Variants in CNTNAP2 observed in about 807,000 individuals in gnomAD.
CNTNAP2 encodes contactin-associated protein-like 2.
In CNTNAP2, 98 loss-of-function variants were observed where a neutral mutation model predicts 155.2. The ratio of observed to expected loss-of-function variants is 0.63; its 90% confidence interval spans 0.54 to 0.75. CNTNAP2 has a LOEUF of 0.75. CNTNAP2 is among the 30% of genes least tolerant of loss of function. CNTNAP2 has a pLI of 0.00. For missense variants in CNTNAP2, 1,727 were observed against 1,688.1 expected (o/e 1.02, Z -0.40); for synonymous variants, 651 against 631.2 (o/e 1.03, Z -0.47).
chr7:147,666,893 G>C (rs1795705305), intron 13 of CNTNAP2, among the ~76,000 whole-genome samples: 1 of 152,156 alleles, frequency 6.6e-6, no homozygotes, highest in African/African-American at 2.4e-5. Flanking sequence ...ACAAAATGAT[G>C]GAAGCTGAAA....
intron 22 of CNTNAP2, among the ~76,000 whole-genome samples, chr7:148,392,751 A>G (rs1799378981): frequency 6.6e-6 from 1 of 152,192 alleles, no homozygotes; most frequent in Admixed American, 6.5e-5. Context: ...AAGCTGGTCC[A>G]GTGGATTCAC....
At chr7:147,925,144 A>AG (rs1453091044) in intron 14 of CNTNAP2, among the ~76,000 whole-genome samples, 43 of 95,606 alleles carry the variant, frequency 4.5e-4, no homozygotes, top group African/African-American at 1.5e-3. Context: ...GAAGAGAGAG[A>AG]GAGAGAGAGA....
intron 3 of CNTNAP2, among the ~76,000 whole-genome samples, chr7:146,996,068 T>G (rs1798303744): frequency 6.6e-6 from 1 of 152,152 alleles, no homozygotes; most frequent in African/African-American, 2.4e-5. Flanking sequence ...TGTTCCATTT[T>G]TAATTGATTT....
At chr7:147,343,733 G>T (rs1237912318) in intron 9 of CNTNAP2, among the ~76,000 whole-genome samples, 1 of 151,952 alleles carries the variant, frequency 6.6e-6, no homozygotes, top group African/African-American at 2.4e-5. Context: ...GCAAAATATG[G>T]TGCATGGGTG....
chr7:147,366,781 GCACACACACACACACACA>G (rs71182194), intron 9 of CNTNAP2, among the ~76,000 whole-genome samples: 1 of 105,852 alleles, frequency 9.4e-6, no homozygotes, highest in Non-Finnish European at 2.5e-5. Flanking sequence ...TTTGTTGCAC[GCACACACACACACACACA>G]CACACACACA....
intron 13 of CNTNAP2, among the ~76,000 whole-genome samples, chr7:147,899,279 G>A (rs575548151): frequency 6.6e-6 from 1 of 152,294 alleles, no homozygotes; most frequent in South Asian, 2.1e-4. Flanking sequence ...GGTCAAGGCT[G>A]CAGTGAGTTA....
chr7:147,060,679 G>A (rs1186543834), intron 4 of CNTNAP2, among the ~76,000 whole-genome samples: 8 of 152,038 alleles, frequency 5.3e-5, no homozygotes, highest in Non-Finnish European at 8.8e-5. Context: ...TGGCTAACAC[G>A]GTGAAACCCC....
At chr7:147,540,829 CA>C (rs58625166) in intron 11 of CNTNAP2, among the ~76,000 whole-genome samples, 5 of 147,190 alleles carry the variant, frequency 3.4e-5, no homozygotes, top group Admixed American at 6.8e-5. Flanking sequence ...GACTCTGTCT[CA>C]AAAAAAAAAG....
At chr7:148,304,750 A>G (rs1797458496) in intron 21 of CNTNAP2, among the ~76,000 whole-genome samples, 1 of 152,184 alleles carries the variant, frequency 6.6e-6, no homozygotes, top group South Asian at 2.1e-4. Flanking sequence ...ACTCCTGACT[A>G]TGGAAGATGA....
intron 13 of CNTNAP2, among the ~76,000 whole-genome samples, chr7:147,874,322 C>T (rs553700491): frequency 1.3e-5 from 2 of 152,374 alleles, no homozygotes; most frequent in South Asian, 2.1e-4. Context: ...TCTTCCTGGA[C>T]ATCCAGGCAT....
intron 10 of CNTNAP2, among the ~76,000 whole-genome samples, chr7:147,425,457 A>T (rs1309366247): frequency 6.7e-6 from 1 of 148,780 alleles, no homozygotes; most frequent in African/African-American, 2.5e-5. Context: ...ATCCTGTAAG[A>T]AAACTCACTC....
At chr7:147,884,605 C>T (rs1317938446) in intron 13 of CNTNAP2, among the ~76,000 whole-genome samples, 2 of 151,838 alleles carry the variant, frequency 1.3e-5, no homozygotes, top group Admixed American at 1.3e-4. Context: ...TAAATACATA[C>T]AAGGAAAAAT....
intron 1 of CNTNAP2, among the ~76,000 whole-genome samples, chr7:146,509,891 G>A (rs796214641): frequency 3.3e-5 from 5 of 152,072 alleles, no homozygotes; most frequent in African/African-American, 1.2e-4. Context: ...TGCACACAGG[G>A]GACCTGTCCA....
chr7:146,889,070 T>C (rs1795728857), intron 3 of CNTNAP2, among the ~76,000 whole-genome samples: 1 of 152,080 alleles, frequency 6.6e-6, no homozygotes, highest in Non-Finnish European at 1.5e-5. Flanking sequence ...TAGATATGTT[T>C]ATTGCCTTGA....
Position 147,775,236 on chromosome 7 carries a change from TATATATTTATATATATATTTATAA to T in CNTNAP2, c.2099-128298_2099-128275del, listed in dbSNP as rs1563084275. Among the ~76,000 whole-genome samples, 13 of 120,196 alleles carry T rather than the reference TATATATTTATATATATATTTATAA, an allele frequency of 1.1e-4. No homozygotes were observed. The South Asian group carries it at 1.6e-3, about 15-fold the overall frequency. The allele number at this position is 120,196 out of a possible 152,430, so 78.9% of individuals were successfully genotyped here. A position where few individuals can be genotyped will look rare whatever the true frequency, so the allele number is the denominator to read the frequency against. On this transcript the variant is annotated intron_variant, in intron 13 of 23. Coordinates refer to ENST00000361727, the MANE Select transcript of CNTNAP2 (RefSeq NM_014141.6). ...CCTATAAATACAAAAGAAATATATA[TATATATTTATATATATATTTATAA>T]ATATATTTATATATATATTTATAAA...
At chr7:146,418,216 G>A (rs975315781) in intron 1 of CNTNAP2, among the ~76,000 whole-genome samples, 5 of 152,168 alleles carry the variant, frequency 3.3e-5, no homozygotes, top group South Asian at 2.1e-4. Flanking sequence ...TTCTGTGTGC[G>A]TGAATGGTCT....
chr7:148,397,410 AT>A (rs989499305), intron 22 of CNTNAP2, among the ~76,000 whole-genome samples: 1 of 152,190 alleles, frequency 6.6e-6, no homozygotes, highest in African/African-American at 2.4e-5. Flanking sequence ...AGATTCAGTT[AT>A]TTTTTTCCCA....
intron 3 of CNTNAP2, among the ~76,000 whole-genome samples, chr7:147,041,230 C>T (rs1799253535): frequency 6.6e-6 from 1 of 152,102 alleles, no homozygotes; most frequent in Admixed American, 6.6e-5. Context: ...GCCAGTCAGA[C>T]TTGTGTCTTT....
At chr7:146,933,662 TG>T (rs1166362241) in intron 3 of CNTNAP2, among the ~76,000 whole-genome samples, 8 of 147,448 alleles carry the variant, frequency 5.4e-5, no homozygotes, top group Admixed American at 3.4e-4. Flanking sequence ...ACCTACAAAA[TG>T]GGAGAAAATT....
Sources: gnomAD v4.1 joint callset for allele counts (sites outside exome capture counted in the v4.1 genomes callset) on GRCh38, gnomAD v4.1.1 for gene constraint, MANE v1.5 for transcripts, NCBI Gene and HGNC (gene_info 2026-07-23, HGNC 2026-07-21) for gene names.